The following ANOS1 variants were observed in gnomAD, a reference collection of about 807,000 sequenced individuals.
ANOS1 encodes the protein anosmin-1.
A neutral mutation model predicts 59.0 loss-of-function variants in ANOS1; 6 were observed. That is an observed-to-expected ratio of 0.10 (90% CI 0.06 to 0.20). The LOEUF is 0.20. Among genes scored for constraint, ANOS1 ranks in the 10% least tolerant of loss-of-function variants. The pLI, the probability that ANOS1 is intolerant of heterozygous loss-of-function variation, is 1.00. For synonymous variants in ANOS1, 217 were observed against 223.4 expected, an observed-to-expected ratio of 0.97 and a Z score of 0.25; for missense variants, 433 against 542.3, an observed-to-expected ratio of 0.80 and a Z score of 2.00.
chrX:8,703,613 A>C (rs1005294826), intron 1 of ANOS1, among the ~76,000 whole-genome samples: 1 of 111,600 alleles, frequency 9.0e-6, no homozygotes, highest in Non-Finnish European at 1.9e-5. Flanking sequence ...ACAGGTGAAG[A>C]AAGGAACAAG....
intron 3 of ANOS1, among the ~76,000 whole-genome samples, chrX:8,619,110 AG>A (rs1931233077): frequency 2.9e-5 from 3 of 102,300 alleles, no homozygotes; most frequent in South Asian, 4.7e-4. Flanking sequence ...AAGAAAGAAA[AG>A]AAAAGAACAG....
At chrX:8,581,741 C>G (rs16985054) in intron 6 of ANOS1, among the ~76,000 whole-genome samples, 14,042 of 111,085 alleles carry the variant, frequency 0.13, 873 homozygotes, top group African/African-American at 0.23. Context: ...AGCCTCACTG[C>G]GAAAAAATGT....
intron 1 of ANOS1, among the ~76,000 whole-genome samples, chrX:8,725,515 T>C (rs980725706): frequency 5.9e-5 from 6 of 102,563 alleles, no homozygotes; most frequent in Admixed American, 1.1e-4. Context: ...TAATATTATA[T>C]ACAGATATAT....
At chrX:8,674,685 C>T (rs1018395604) in intron 2 of ANOS1, among the ~76,000 whole-genome samples, 4 of 112,512 alleles carry the variant, frequency 3.6e-5, no homozygotes, top group East Asian at 2.8e-4. Flanking sequence ...GGGCCTCATG[C>T]GGCCCAAGGG....
intron 9 of ANOS1, among the ~76,000 whole-genome samples, chrX:8,547,174 C>T (rs115366053): frequency 2.2e-3 from 245 of 111,544 alleles, no homozygotes; most frequent in African/African-American, 7.4e-3. Flanking sequence ...CTAAGTCCTG[C>T]TCAGAATTTC....
At chrX:8,649,996 C>A (rs1428159322) in intron 2 of ANOS1, among the ~76,000 whole-genome samples, 1 of 112,930 alleles carries the variant, frequency 8.9e-6, no homozygotes, top group Non-Finnish European at 1.9e-5. Flanking sequence ...TCTCACATGC[C>A]TAAATCCTGT....
chrX:8,574,801 G>C (rs907929734), intron 6 of ANOS1, among the ~76,000 whole-genome samples: 1 of 111,369 alleles, frequency 9.0e-6, no homozygotes, highest in Admixed American at 9.5e-5. Context: ...TCTTGGGATT[G>C]TGTGAGTCAA....
intron 8 of ANOS1, among the ~76,000 whole-genome samples, 184 bp downstream of exon 8, chrX:8,568,048 G>C (rs376647887): frequency 8.9e-6 from 1 of 112,156 alleles, no homozygotes; most frequent in East Asian, 2.8e-4. Flanking sequence ...CCATAAGAAA[G>C]AATTCAAAAG....
In ANOS1 at chrX:8,594,798, T is replaced by C. The variant is rs1183311911; in HGVS notation, c.541+2236A>G. Among the ~76,000 whole-genome samples, 7 of 95,897 alleles carry C rather than the reference T, an allele frequency of 7.3e-5. No individual in the cohort carries two copies. The East Asian group carries it at 2.4e-3, about 33-fold the overall frequency. 83.3% of individuals were successfully genotyped at this position (95,897 alleles called of 115,157 possible). ...TTTTGCAAAATAACAATCTATTAAC[T>C]TGACTGTCTTCATTACACAAAAGTC... is the stretch of plus-strand genomic sequence containing the variant. On this transcript the variant is annotated intron_variant, in intron 4 of 13. Transcript: ENST00000262648.
chrX:8,577,908 T>C (rs1349931443), intron 6 of ANOS1, among the ~76,000 whole-genome samples: 1 of 111,600 alleles, frequency 9.0e-6, no homozygotes, highest in African/African-American at 3.3e-5. Flanking sequence ...TGCCATCACT[T>C]TTTCTGAGGC....
chrX:8,635,527 C>G (rs931870508), intron 2 of ANOS1, among the ~76,000 whole-genome samples: 2 of 111,354 alleles, frequency 1.8e-5, no homozygotes, highest in Admixed American at 1.9e-4. Context: ...TGAACATTTT[C>G]CTAAAGACAC....
intron 2 of ANOS1, among the ~76,000 whole-genome samples, chrX:8,664,387 G>GA (rs1169166246): frequency 2.7e-5 from 3 of 110,262 alleles, no homozygotes; most frequent in Non-Finnish European, 5.7e-5. Context: ...TAGAGACGGG[G>GA]TTTCACCATG....
At chrX:8,664,156 C>T (rs763298958) in intron 2 of ANOS1, among the ~76,000 whole-genome samples, 5 of 111,940 alleles carry the variant, frequency 4.5e-5, no homozygotes, top group Non-Finnish European at 7.5e-5. Context: ...CAAATCTGCA[C>T]GTCCTGCACA....
chrX:8,578,102 T>C lies in ANOS1; in HGVS notation c.856+7165A>G, dbSNP rs187697224. On this transcript the variant is annotated intron_variant, in intron 6 of 13. Coordinates refer to ENST00000262648, the MANE Select transcript of ANOS1 (RefSeq NM_000216.4). ...CATTTCTACCAATAATGTCTATAGATTAAACTTCGCACTGAAACGCATCAT... is the reference window on the plus strand; with the variant it reads ...CATTTCTACCAATAATGTCTATAGACTAAACTTCGCACTGAAACGCATCAT... Among the ~76,000 whole-genome samples the C allele has an allele frequency of 3.4e-3, 374 of 111,448 alleles. 1 individual carries two copies. Among genetic ancestry groups the C allele is most frequent in the Middle Eastern group, 9.2e-3 (2 of 217 alleles).
At chrX:8,707,537 G>A (rs1296622502) in intron 1 of ANOS1, among the ~76,000 whole-genome samples, 3 of 111,816 alleles carry the variant, frequency 2.7e-5, no homozygotes, top group East Asian at 5.6e-4. Context: ...TTTATAGGGT[G>A]TAGATACAGT....
At chrX:8,574,195 CCT>C (rs1930281232) in intron 6 of ANOS1, among the ~76,000 whole-genome samples, 1 of 110,129 alleles carries the variant, frequency 9.1e-6, no homozygotes. Context: ...TGAGGCTTTT[CCT>C]CTCCCTTTGC....
In ANOS1 at chrX:8,623,485, C is replaced by T. The variant is rs1422329762; in HGVS notation, c.318+123G>A. On this transcript the variant is annotated intron_variant, in intron 3 of 13. Coordinates refer to ENST00000262648, the MANE Select transcript of ANOS1 (RefSeq NM_000216.4). ...ACATGAATTTACGTATATCCACACA[C>T]ACCTGCAGTTAATGATCTCCCCAAG... 2.2e-5 allele frequency: 12 copies of T among 552,092 alleles called. No individual in the cohort carries two copies. In the East Asian group the frequency reaches 4.0e-4, roughly 18 times the overall value. The allele number at this position is 552,092 out of a possible 1,213,427, so 45.5% of individuals were successfully genotyped here. A position where few individuals can be genotyped will look rare whatever the true frequency, so the allele number is the denominator to read the frequency against.
At chrX:8,565,229 T>C (rs1426760089) in intron 8 of ANOS1, among the ~76,000 whole-genome samples, 1 of 112,291 alleles carries the variant, frequency 8.9e-6, no homozygotes. Flanking sequence ...TGTTGTTTAT[T>C]GGAAGAACCA....
At chrX:8,726,072 C>G (rs1472593011) in intron 1 of ANOS1, among the ~76,000 whole-genome samples, 3 of 110,632 alleles carry the variant, frequency 2.7e-5, no homozygotes, top group Non-Finnish European at 3.8e-5. Context: ...TAACTGAAAA[C>G]TCAGCACAGA....
Sources: gnomAD v4.1 joint callset for allele counts (sites outside exome capture counted in the v4.1 genomes callset) on GRCh38, gnomAD v4.1.1 for gene constraint, MANE v1.5 for transcripts, NCBI Gene and HGNC (gene_info 2026-07-23, HGNC 2026-07-21) for gene names.